The following TP63 variants were observed in gnomAD, a reference collection of about 807,000 sequenced individuals.
TP63 encodes tumor protein p63.
In TP63, 17 loss-of-function variants were observed where a neutral mutation model predicts 82.8. The observed-to-expected ratio is 0.21, with a 90% CI of 0.14 to 0.31. The LOEUF (loss-of-function observed/expected upper bound fraction) is 0.31. Ranked by LOEUF, TP63 falls within the 10% of genes least tolerant of loss-of-function variation. The pLI is 1.00. For synonymous variants in TP63, 330 were observed against 321.7 expected (o/e 1.03, Z -0.28); for missense variants, 648 against 895.3 (o/e 0.72, Z 3.52).
chr3:189,878,856 T>C (rs1386603515), intron 10 of TP63, among the ~76,000 whole-genome samples: 1 of 113,164 alleles, frequency 8.8e-6, no homozygotes, highest in Non-Finnish European at 1.9e-5. Context: ...CTCAAACCCC[T>C]GACCTTGTGA....
At chr3:189,839,694 T>C (rs888388856) in intron 4 of TP63, among the ~76,000 whole-genome samples, 5 of 152,234 alleles carry the variant, frequency 3.3e-5, no homozygotes, top group African/African-American at 1.2e-4. Flanking sequence ...AATAGTGTGA[T>C]GCAATCGTGA....
chr3:189,620,089 T>C, the TP63 span, among the ~76,000 whole-genome samples: 1 of 152,200 alleles, frequency 6.6e-6, no homozygotes, highest in Admixed American at 6.5e-5. Context: ...AGAAAAACTC[T>C]TGGCTGGGTG....
chr3:189,759,166 G>A (rs1722390721), intron 3 of TP63, among the ~76,000 whole-genome samples: 1 of 152,178 alleles, frequency 6.6e-6, no homozygotes, highest in South Asian at 2.1e-4. Flanking sequence ...TGTGTTCTCA[G>A]GGCCAGCAGC....
At chr3:189,886,925 T>C (rs983304535) in intron 11 of TP63, among the ~76,000 whole-genome samples, 4 of 151,938 alleles carry the variant, frequency 2.6e-5, no homozygotes, top group Admixed American at 6.6e-5. Context: ...TCTAGAGAAA[T>C]AGGCCGGGCA....
At chr3:189,772,266 G>A (rs191146964) in intron 3 of TP63, among the ~76,000 whole-genome samples, 7 of 152,240 alleles carry the variant, frequency 4.6e-5, no homozygotes, top group African/African-American at 1.7e-4. Context: ...TAGAGATCAC[G>A]TACTAGCTAG....
chr3:189,769,505 A>G (rs1194050627), intron 3 of TP63, among the ~76,000 whole-genome samples: 3 of 152,228 alleles, frequency 2.0e-5, no homozygotes, highest in Non-Finnish European at 4.4e-5. Context: ...TGTAAGAACT[A>G]TGTTTGATCT....
At chr3:189,676,149 C>A (rs1393733970) in intron 1 of TP63, among the ~76,000 whole-genome samples, 3 of 152,080 alleles carry the variant, frequency 2.0e-5, no homozygotes, top group South Asian at 2.1e-4. Flanking sequence ...CATATACTTA[C>A]CATTTTTGTG....
At chr3:189,612,918 G>A in the TP63 span, among the ~76,000 whole-genome samples, 1 of 152,200 alleles carries the variant, frequency 6.6e-6, no homozygotes, top group Non-Finnish European at 1.5e-5. Flanking sequence ...GTATTTGGCA[G>A]AAGAAATTTC....
intron 3 of TP63, among the ~76,000 whole-genome samples, chr3:189,765,966 A>C (rs557923571): frequency 5.9e-5 from 9 of 152,190 alleles, no homozygotes; most frequent in Non-Finnish European, 1.2e-4. Context: ...TTGCTTCTGA[A>C]TTCTATGTTG....
chr3:189,890,690 A>T (rs989717048), intron 12 of TP63, 99 bp from the exon 13 acceptor site: 12 of 1,141,140 alleles, frequency 1.1e-5, no homozygotes, highest in Non-Finnish European at 1.6e-5. Flanking sequence ...TGGGGCATCC[A>T]AGGGCAAAAT....
intron 1 of TP63, among the ~76,000 whole-genome samples, chr3:189,657,019 G>C (rs9854007): frequency 0.54 from 59,754 of 110,276 alleles, 13,185 homozygotes; most frequent in Middle Eastern, 0.7. Context: ...TATGAAGCAT[G>C]CAAAAAAAAA....
intron 1 of TP63, among the ~76,000 whole-genome samples, chr3:189,709,336 T>C (rs925554897): frequency 2.0e-5 from 3 of 152,198 alleles, no homozygotes; most frequent in Non-Finnish European, 2.9e-5. Context: ...AAATTTGTTA[T>C]AGCTTTGCTT....
chr3:189,635,743 C>T (rs1383292306), intron 1 of TP63, among the ~76,000 whole-genome samples: 2 of 152,038 alleles, frequency 1.3e-5, no homozygotes, highest in Non-Finnish European at 1.5e-5. Context: ...ATTCCTTACC[C>T]CCTCATTAAA....
intron 1 of TP63, among the ~76,000 whole-genome samples, chr3:189,648,079 T>C (rs1712578603): frequency 6.8e-6 from 1 of 147,230 alleles, no homozygotes; most frequent in African/African-American, 2.5e-5. Flanking sequence ...GTATGTAGGC[T>C]CTGTAATTTT....
intron 1 of TP63, among the ~76,000 whole-genome samples, chr3:189,696,584 C>G (rs1382954494): frequency 1.3e-5 from 2 of 152,166 alleles, no homozygotes; most frequent in Non-Finnish European, 1.5e-5. Context: ...GGTGAATCTT[C>G]TATAGTAAGG....
intron 1 of TP63, among the ~76,000 whole-genome samples, chr3:189,640,967 CT>C (rs1711809479): frequency 6.6e-6 from 1 of 151,964 alleles, no homozygotes; most frequent in Non-Finnish European, 1.5e-5. Context: ...AAACATATGC[CT>C]TTTGGATTTT....
Position 189,767,512 on chromosome 3 carries a change from A to G in TP63, c.324+28738A>G, listed in dbSNP as rs1723042417. ...CTAAAATCTGAATGGCCAAGAATGG[A>G]ATAGTCATTTTCTTTGCTAGTTTCG... On this transcript the variant is annotated intron_variant, in intron 3 of 13. Coordinates refer to ENST00000264731, the MANE Select transcript of TP63 (RefSeq NM_003722.5). Among the ~76,000 whole-genome samples the G allele has an allele frequency of 2.0e-5, 3 of 152,180 alleles. No homozygotes were observed. In the South Asian group the frequency reaches 6.2e-4, roughly 32 times the overall value.
chr3:189,779,110 G>A (rs1006768562), intron 3 of TP63, among the ~76,000 whole-genome samples: 2 of 152,068 alleles, frequency 1.3e-5, no homozygotes, highest in Non-Finnish European at 2.9e-5. Context: ...TTATCAGGAG[G>A]CTACAGTCTA....
rs1490291897 is a variant in TP63, at chr3:189,868,660, G to C, written c.1073G>C (p.Ser358Thr). The change falls in exon 8 of 14, where the codon AGC (serine) becomes ACC (threonine). Residue 358 changes from serine (S) to threonine (T), a missense_variant. By Grantham distance (58) the Ser-to-Thr change is moderately conservative. Around this residue, in one of 5 missense-constraint regions of TP63, gnomAD observed 342 missense variants for 425.7 expected, o/e 0.80. Transcript: ENST00000264731. ...PGRDRKADED[S>T]IRKQQVSDST... ...AGAGACAGGAAGGCGGATGAAGATA[G>C]CATCAGAAAGCAGCAAGTTTCGGAC... is the stretch of plus-strand genomic sequence containing the variant. 1 of 1,614,116 alleles carries C rather than the reference G, an allele frequency of 6.2e-7. No individual in the cohort carries two copies. The highest frequency in any genetic ancestry group is 8.5e-7 in the Non-Finnish European group (1 of 1,179,996).
Sources: gnomAD v4.1 joint callset for allele counts (sites outside exome capture counted in the v4.1 genomes callset) on GRCh38, gnomAD v4.1.1 for gene constraint, gnomAD v4.1.1 regional missense constraint, MANE v1.5 for transcripts, NCBI Gene and HGNC (gene_info 2026-07-23, HGNC 2026-07-21) for gene names.